EPHA5: variants seen among roughly 807,000 people sequenced by gnomAD.
EPHA5 encodes ephrin type-A receptor 5.
EPHA5 carries 60 observed loss-of-function variants against 105.0 expected under a neutral mutation model. The ratio of observed to expected loss-of-function variants is 0.57; its 90% confidence interval spans 0.46 to 0.71. The LOEUF (loss-of-function observed/expected upper bound fraction) is 0.71. Ranked by LOEUF, EPHA5 falls within the 30% of genes least tolerant of loss-of-function variation. The pLI is 0.00. For synonymous variants in EPHA5, 513 were observed against 449.1 expected (o/e 1.14, Z -1.80); for missense variants, 1,218 against 1,274.7 (o/e 0.96, Z 0.68).
At chr4:65,436,631 C>A (rs1472066773) in intron 5 of EPHA5, among the ~76,000 whole-genome samples, 1 of 151,938 alleles carries the variant, frequency 6.6e-6, no homozygotes, top group Non-Finnish European at 1.5e-5. Context: ...TATGTACAAA[C>A]TTCAGTAAAA....
chr4:65,425,114 A>T (rs1354871981), intron 5 of EPHA5, among the ~76,000 whole-genome samples: 6 of 152,094 alleles, frequency 3.9e-5, no homozygotes. Context: ...GACTAGAGAG[A>T]GGTAAATAAA....
intron 3 of EPHA5, among the ~76,000 whole-genome samples, chr4:65,531,663 G>A (rs1391974049): frequency 1.3e-5 from 2 of 151,218 alleles, no homozygotes; most frequent in African/African-American, 4.9e-5. Context: ...CCAGGAATCT[G>A]ATCATAAAGA....
At chr4:65,567,582 A>C (rs906902463) in intron 3 of EPHA5, among the ~76,000 whole-genome samples, 1 of 151,620 alleles carries the variant, frequency 6.6e-6, no homozygotes, top group Non-Finnish European at 1.5e-5. Context: ...ACTGTTATTG[A>C]AAATGTAATG....
rs991613539 is a variant in EPHA5 at position 65,513,374 on chromosome 4, GT to G, written c.911-17832del. On this transcript the variant is annotated intron_variant, in intron 3 of 16. Transcript: ENST00000613740. ...AGTGTAGTATTTCAAAAGATTTGGG[GT>G]TTTTTTGTTTGTTTTGTTTTGTTTT... 1.9e-4 allele frequency among the ~76,000 whole-genome samples: 29 copies of G among 151,746 alleles called. 1 individual carries two copies. The highest frequency in any genetic ancestry group is 6.5e-4 in the African/African-American group (27 of 41,330).
chr4:65,565,022 A>T (rs1739388756), intron 3 of EPHA5, among the ~76,000 whole-genome samples: 1 of 151,754 alleles, frequency 6.6e-6, no homozygotes, highest in Admixed American at 6.6e-5. Flanking sequence ...AATATTATAC[A>T]GTTAATTAAA....
intron 5 of EPHA5, among the ~76,000 whole-genome samples, chr4:65,433,111 C>T (rs1338210610): frequency 1.3e-5 from 2 of 152,040 alleles, no homozygotes; most frequent in Non-Finnish European, 2.9e-5. Context: ...CAAACCAGAA[C>T]AAAATAAAAT....
At chr4:65,528,981 G>A (rs1163651458) in intron 3 of EPHA5, among the ~76,000 whole-genome samples, 1 of 152,110 alleles carries the variant, frequency 6.6e-6, no homozygotes, top group African/African-American at 2.4e-5. Context: ...TGCAAGTCAT[G>A]GTCTAGGAAA....
At chr4:65,532,320 C>T (rs1048953597) in intron 3 of EPHA5, among the ~76,000 whole-genome samples, 3 of 151,890 alleles carry the variant, frequency 2.0e-5, no homozygotes, top group African/African-American at 4.8e-5. Context: ...ACTTAACTAT[C>T]GTCATTCTCT....
chr4:65,465,853 T>C (rs1163063489), intron 5 of EPHA5, among the ~76,000 whole-genome samples: 2 of 152,226 alleles, frequency 1.3e-5, no homozygotes, highest in African/African-American at 2.4e-5. Context: ...TATAATGTCA[T>C]ACATTCACTC....
intron 5 of EPHA5, among the ~76,000 whole-genome samples, chr4:65,448,284 A>G (rs1157802463): frequency 2.6e-5 from 4 of 152,088 alleles, no homozygotes; most frequent in Admixed American, 2.0e-4. Flanking sequence ...GACAGAAAAA[A>G]TCACAGACAC....
intron 1 of EPHA5, chr4:65,669,341 A>G (rs1234853678): frequency 7.3e-6 from 7 of 955,838 alleles, no homozygotes; most frequent in East Asian, 1.2e-4. Context: ...GTCCACACGC[A>G]TGTTCCTTGC....
At chr4:65,469,991 A>G (rs957134742) in intron 5 of EPHA5, among the ~76,000 whole-genome samples, 1 of 152,052 alleles carries the variant, frequency 6.6e-6, no homozygotes, top group Non-Finnish European at 1.5e-5. Flanking sequence ...AAGAAAAGAA[A>G]ATCAAAGGAG....
chr4:65,388,932 G>A lies in EPHA5; in HGVS notation c.1793+15442C>T, dbSNP rs182349831. Among the ~76,000 whole-genome samples, 9 of 152,108 alleles carry A rather than the reference G, an allele frequency of 5.9e-5. No individual in the cohort carries two copies. In the East Asian group the frequency reaches 1.2e-3, roughly 20 times the overall value. ...GGTAATGCCTAGGTTTTATTCTAGG[G>A]TTTTTATGGTTTTAGGTCCATCTAA... On this transcript the variant is annotated intron_variant, in intron 8 of 16. Coordinates refer to ENST00000613740, the MANE Select transcript of EPHA5 (RefSeq NM_001281766.3).
intron 5 of EPHA5, among the ~76,000 whole-genome samples, chr4:65,459,520 C>G (rs916072351): frequency 7.9e-5 from 12 of 151,818 alleles, no homozygotes; most frequent in African/African-American, 2.4e-4. Context: ...AAAAGGCTAT[C>G]CCTTTTACTG....
At chr4:65,345,767 TC>T (rs1300997887) in intron 14 of EPHA5, among the ~76,000 whole-genome samples, 1 of 110,342 alleles carries the variant, frequency 9.1e-6, no homozygotes, top group Non-Finnish European at 2.1e-5. Context: ...CTCTTCTTTT[TC>T]TTTTCTTTTC....
chr4:65,446,588 A>T (rs1431726480), intron 5 of EPHA5, among the ~76,000 whole-genome samples: 1 of 152,216 alleles, frequency 6.6e-6, no homozygotes, highest in Non-Finnish European at 1.5e-5. Context: ...GGACCTGAAG[A>T]ATCAGGCAAG....
chr4:65,596,173 A>G (rs1174542088), intron 3 of EPHA5, among the ~76,000 whole-genome samples: 2 of 152,182 alleles, frequency 1.3e-5, no homozygotes, highest in Non-Finnish European at 2.9e-5. Flanking sequence ...AAACATATCT[A>G]TAAACATATT....
intron 5 of EPHA5, among the ~76,000 whole-genome samples, chr4:65,424,261 A>G (rs2149045860): frequency 6.6e-6 from 1 of 152,194 alleles, no homozygotes; most frequent in African/African-American, 2.4e-5. Context: ...TCAGTTGTAT[A>G]AAACAATATA....
chr4:65,332,967 T>C (rs942185016), intron 15 of EPHA5, among the ~76,000 whole-genome samples: 2 of 151,602 alleles, frequency 1.3e-5, no homozygotes, highest in African/African-American at 4.8e-5. Context: ...CACCGAGGAG[T>C]GGTAGATCAT....
Sources: allele counts gnomAD v4.1 joint callset (sites outside exome capture counted in the v4.1 genomes callset), GRCh38; gene constraint gnomAD v4.1.1; transcripts MANE v1.5; gene names NCBI Gene and HGNC (gene_info 2026-07-23, HGNC 2026-07-21).